ZHX2: variants seen among roughly 807,000 people sequenced by gnomAD.
The protein encoded by ZHX2 is zinc fingers and homeoboxes protein 2.
Under a neutral mutation model 21.9 loss-of-function variants are expected in ZHX2, and 6 were observed. That is an observed-to-expected ratio of 0.27 (90% CI 0.15 to 0.54). ZHX2 has a LOEUF of 0.54. ZHX2 is among the 20% of genes least tolerant of loss of function. ZHX2 has a pLI of 0.95. For missense variants in ZHX2, 908 were observed against 1,090.7 expected (o/e 0.83, Z 2.36); for synonymous variants, 434 against 437.1 (o/e 0.99, Z 0.09).
chr8:122,968,397 C>T (rs532773152), intron 3 of ZHX2, among the ~76,000 whole-genome samples: 1 of 152,172 alleles, frequency 6.6e-6, no homozygotes, highest in African/African-American at 2.4e-5. Flanking sequence ...GGTGTACAGA[C>T]AATTTGGGAT....
chr8:122,806,767 C>T (rs1259861074), intron 1 of ZHX2, among the ~76,000 whole-genome samples: 1 of 152,354 alleles, frequency 6.6e-6, no homozygotes, highest in African/African-American at 2.4e-5. Context: ...CTGACATTTA[C>T]CTTGTGCCAA....
At chr8:122,936,522 G>A (rs981583471) in intron 2 of ZHX2, among the ~76,000 whole-genome samples, 16 of 152,222 alleles carry the variant, frequency 1.1e-4, no homozygotes, top group Non-Finnish European at 2.2e-4. Flanking sequence ...CCATGCTGTC[G>A]TGGCAGGAAA....
At chr8:122,793,280 C>T (rs1244325883) in intron 1 of ZHX2, among the ~76,000 whole-genome samples, 1 of 152,220 alleles carries the variant, frequency 6.6e-6, no homozygotes, top group African/African-American at 2.4e-5. Flanking sequence ...GAGAGGCCAT[C>T]ACCCAGGGAC....
In ZHX2 at chr8:122,953,014, A is replaced by C. The variant is rs1271767148; in HGVS notation, c.1504A>C (p.Thr502Pro). Residue 502 changes from threonine to proline, a missense_variant, in exon 3 of 4, where the codon ACC (threonine) becomes CCC (proline). By Grantham distance (38) the Thr-to-Pro change is conservative. Transcript: ENST00000314393. This position sits in a 1 kb window ranked among gnomAD's most constrained non-coding sequence, Gnocchi z 4.6. ...YRCQRGIVHITSESLAKDQLA... is the reference protein window; with the variant it reads ...YRCQRGIVHIPSESLAKDQLA... The stretch of plus-strand genomic sequence containing the variant: ...GTGTCAAAGGGGCATCGTCCACATC[A>C]CCAGCGAATCCCTTGCCAAAGACCA... 6.2e-7 allele frequency: 1 copy of C among 1,613,906 alleles called. No individual in the cohort carries two copies. The highest frequency in any genetic ancestry group is 1.1e-5 in the South Asian group (1 of 91,056).
At chr8:122,961,779 G>A (rs1813455902) in intron 3 of ZHX2, among the ~76,000 whole-genome samples, 1 of 152,142 alleles carries the variant, frequency 6.6e-6, no homozygotes, top group Non-Finnish European at 1.5e-5. Flanking sequence ...TTGACACATG[G>A]GGATTATGGG....
At position 122,841,593 on chromosome 8, in the gene ZHX2, G is replaced by A. The variant is rs1383315715; in HGVS notation, c.-282-21884G>A. On this transcript the variant is annotated intron_variant, in intron 1 of 3. Transcript: ENST00000314393. Reference sequence around the variant, plus strand: ...GGGGCAGCCTGAGCAGAGAGGCACAGTGTGAGTTCACATTTAGCAGGCAGC... The same window carrying A: ...GGGGCAGCCTGAGCAGAGAGGCACAATGTGAGTTCACATTTAGCAGGCAGC... Among the ~76,000 whole-genome samples the A allele has an allele frequency of 2.6e-5, 4 of 152,302 alleles. No homozygotes were observed. In the East Asian group the frequency reaches 7.7e-4, roughly 29 times the overall value.
intron 1 of ZHX2, among the ~76,000 whole-genome samples, chr8:122,792,894 G>A (rs541065583): frequency 1.9e-3 from 284 of 152,278 alleles, no homozygotes; most frequent in African/African-American, 6.1e-3. Flanking sequence ...GATTCGCAGC[G>A]TACCTCACCC....
In ZHX2 at chr8:122,953,674, A is replaced by T. The variant is rs1813209369; in HGVS notation, c.2164A>T (p.Asn722Tyr). The T allele has an allele frequency of 2.5e-6, 4 of 1,614,226 alleles. No homozygotes were observed. The highest frequency in any genetic ancestry group is 3.4e-6 in the Non-Finnish European group (4 of 1,180,038). ...AAAACCCATGGCCGAGAGCCCAAAG[A>T]ACGGGGGTGATGTGGTTCCACAATA... ...ATKPMAESPK[N>Y]GGDVVPQYYK... Residue 722 changes from asparagine (N) to tyrosine (Y), a missense_variant, in exon 3 of 4, where the codon AAC becomes TAC. Around this residue, in one of 4 missense-constraint regions of ZHX2, gnomAD observed 431 missense variants for 428.6 expected, o/e 1.01. Transcript: ENST00000314393. The surrounding 1 kb of genome is among the most constrained non-coding windows in gnomAD (Gnocchi z 4.6).
intron 1 of ZHX2, among the ~76,000 whole-genome samples, chr8:122,827,081 C>G (rs1818278851): frequency 6.6e-6 from 1 of 152,114 alleles, no homozygotes; most frequent in African/African-American, 2.4e-5. Context: ...AGGGCAGTGG[C>G]TCTATCTCGG....
At chr8:122,839,489 C>T (rs769384285) in intron 1 of ZHX2, among the ~76,000 whole-genome samples, 6 of 152,106 alleles carry the variant, frequency 3.9e-5, no homozygotes, top group African/African-American at 7.2e-5. Context: ...CTGTTTTTTA[C>T]CTTTCCAGCA....
At chr8:122,862,392 T>C (rs1264615435) in intron 1 of ZHX2, among the ~76,000 whole-genome samples, 2 of 152,204 alleles carry the variant, frequency 1.3e-5, no homozygotes, top group Non-Finnish European at 2.9e-5. Flanking sequence ...TGCAACTTCC[T>C]TCCTTCCGTG....
Position 122,948,329 on chromosome 8 carries a change from T to C in ZHX2, c.-219-2963T>C, listed in dbSNP as rs571524708. Among the ~76,000 whole-genome samples the C allele has an allele frequency of 2.1e-3, 326 of 152,270 alleles. 1 individual carries two copies. The highest frequency in any genetic ancestry group is 7.5e-3 in the African/African-American group (313 of 41,544). On this transcript the variant is annotated intron_variant, in intron 2 of 3. Transcript: ENST00000314393. ...TTTCCTGGAAGTCGGGGATCTTTGC[T>C]TCAAAACATGTCTCCCACCTCCTTT...
At chr8:122,802,682 G>A (rs1817742299) in intron 1 of ZHX2, among the ~76,000 whole-genome samples, 1 of 152,222 alleles carries the variant, frequency 6.6e-6, no homozygotes. Context: ...TACAGGGAAG[G>A]TTCAGGAAAG....
At chr8:122,832,891 C>T (rs1253307657) in intron 1 of ZHX2, among the ~76,000 whole-genome samples, 5 of 152,044 alleles carry the variant, frequency 3.3e-5, no homozygotes, top group Admixed American at 1.3e-4. Flanking sequence ...ATAGTATGGG[C>T]GTTGCAGTCC....
chr8:122,879,579 TCTTC>T (rs1417641749), intron 2 of ZHX2, among the ~76,000 whole-genome samples: 1 of 151,302 alleles, frequency 6.6e-6, no homozygotes, highest in Non-Finnish European at 1.5e-5. Flanking sequence ...ATACTTGATA[TCTTC>T]CACAACAAGG....
chr8:122,862,125 T>G (rs2130774445), intron 1 of ZHX2, among the ~76,000 whole-genome samples: 1 of 152,080 alleles, frequency 6.6e-6, no homozygotes, highest in Admixed American at 6.5e-5. Flanking sequence ...CCTCCCGGAG[T>G]GCTCTGCCCG....
intron 1 of ZHX2, among the ~76,000 whole-genome samples, chr8:122,785,048 A>C (rs1817367452): frequency 6.6e-6 from 1 of 152,214 alleles, no homozygotes; most frequent in African/African-American, 2.4e-5. Flanking sequence ...CACTCATTAA[A>C]CCAAATCAAG....
intron 2 of ZHX2, among the ~76,000 whole-genome samples, chr8:122,908,678 A>C (rs548818852): frequency 6.6e-6 from 1 of 152,306 alleles, no homozygotes; most frequent in African/African-American, 2.4e-5. Flanking sequence ...ATGCCCACTC[A>C]GCATCCAGGC....
chr8:122,817,602 C>A (rs1377008370), intron 1 of ZHX2, among the ~76,000 whole-genome samples: 1 of 152,228 alleles, frequency 6.6e-6, no homozygotes. Context: ...CACTATGAAC[C>A]TTGGGCAAGG....
Sources: allele counts gnomAD v4.1 joint callset (sites outside exome capture counted in the v4.1 genomes callset), GRCh38; gene constraint gnomAD v4.1.1; regional missense constraint gnomAD v4.1.1; non-coding constraint Gnocchi (gnomAD v3.1); transcripts MANE v1.5; gene names NCBI Gene and HGNC (gene_info 2026-07-23, HGNC 2026-07-21).